BRI3: variants seen among roughly 807,000 people sequenced by gnomAD.
The protein encoded by BRI3 is membrane protein BRI3.
BRI3 carries 6 observed loss-of-function variants against 12.8 expected under a neutral mutation model. That is an observed-to-expected ratio of 0.47 (90% confidence interval 0.26 to 0.93). The LOEUF is 0.93. Ranked by LOEUF, BRI3 falls within the 40% of genes least tolerant of loss-of-function variation. BRI3 has a pLI of 0.15. For synonymous variants in BRI3, 91 were observed against 76.1 expected (o/e 1.20, Z -1.02); for missense variants, 134 against 171.1 (o/e 0.78, Z 1.21).
chr7:98,298,935 G>A (rs1800302005), intron 1 of BRI3, among the ~76,000 whole-genome samples: 1 of 152,010 alleles, frequency 6.6e-6, no homozygotes, highest in South Asian at 2.1e-4. Flanking sequence ...TCGACCTCCT[G>A]GGCTCAATCG....
the BRI3 span, chr7:98,323,158 T>G: frequency 2.0e-5 from 3 of 152,212 alleles, no homozygotes; most frequent in Non-Finnish European, 4.4e-5. Flanking sequence ...GAACGGGGCA[T>G]GAGAAAACCG....
chr7:98,296,113 C>A (rs1047439077), downstream of BRI3, among the ~76,000 whole-genome samples: 23 of 152,158 alleles, frequency 1.5e-4, no homozygotes, highest in African/African-American at 5.6e-4. Context: ...CAGGTCACCA[C>A]ACAGCACTGA....
chr7:98,315,032 T>C (rs904912808), downstream of BRI3, among the ~76,000 whole-genome samples: 1 of 152,218 alleles, frequency 6.6e-6, no homozygotes, highest in Admixed American at 6.5e-5. Flanking sequence ...CCAAACACAG[T>C]TTCTCTGGAA....
downstream of BRI3, chr7:98,292,314 C>G (rs1004256888): frequency 1.5e-5 from 5 of 338,460 alleles, no homozygotes; most frequent in Non-Finnish European, 2.2e-5. Context: ...CTCTGCCTCC[C>G]GGGTTCAAGT....
chr7:98,311,534 G>T (rs905312439), downstream of BRI3, among the ~76,000 whole-genome samples: 2 of 151,486 alleles, frequency 1.3e-5, no homozygotes, highest in Admixed American at 1.3e-4. Flanking sequence ...GAGCAAGACT[G>T]TGTCTCAAAA....
At chr7:98,312,376 G>T, downstream of BRI3, 1 of 1,215,172 alleles carries the variant, frequency 8.2e-7, no homozygotes, top group Non-Finnish European at 1.1e-6. Context: ...CACCAGGAGT[G>T]TGGGGGCCCT....
downstream of BRI3, among the ~76,000 whole-genome samples, chr7:98,310,830 C>T (rs150876369): frequency 2.6e-5 from 4 of 152,202 alleles, no homozygotes; most frequent in African/African-American, 7.2e-5. Context: ...GGATAACAGG[C>T]ACGCACTACC....
intron 1 of BRI3, chr7:98,306,720 T>G (rs1054377059): frequency 1.5e-5 from 11 of 741,090 alleles, no homozygotes; most frequent in Admixed American, 6.1e-5. Context: ...CAATTTTTTT[T>G]TAATAGAGAC....
chr7:98,285,499 G>A (rs1799680825), intron 2 of BRI3, among the ~76,000 whole-genome samples: 1 of 152,214 alleles, frequency 6.6e-6, no homozygotes, highest in Non-Finnish European at 1.5e-5. Context: ...GACAGTCTTG[G>A]CCTGAGGTGT....
rs141494671 is a variant in BRI3, at chr7:98,307,796, C to T, written n.426C>T. On this transcript the variant is annotated non_coding_transcript_exon_variant, in exon 2 of 2. Coordinates refer to the BRI3 transcript ENST00000485422. ...AGCTGAGTAAGGTCTTGTTGGAGCCCGCAGTGTGCGGGAAGATGGTCTTCA... is the reference window on the plus strand; with the variant it reads ...AGCTGAGTAAGGTCTTGTTGGAGCCTGCAGTGTGCGGGAAGATGGTCTTCA... 1.6e-5 allele frequency: 26 copies of T among 1,614,230 alleles called. No homozygotes were observed. The East Asian group carries it at 3.1e-4, about 19-fold the overall frequency.
upstream of BRI3, chr7:98,304,109 G>A: frequency 7.2e-7 from 1 of 1,385,956 alleles, no homozygotes; most frequent in South Asian, 1.5e-5. Context: ...GGACAGAGCA[G>A]AGCAAGGCGG....
chr7:98,320,121 T>A, the BRI3 span: 1 of 1,611,908 alleles, frequency 6.2e-7, no homozygotes. Flanking sequence ...CTTTGTGGAA[T>A]TTTTTAAACT....
At chr7:98,301,266 G>A (rs1800407406) in intron 1 of BRI3, among the ~76,000 whole-genome samples, 1 of 152,172 alleles carries the variant, frequency 6.6e-6, no homozygotes, top group Non-Finnish European at 1.5e-5. Flanking sequence ...TGTGCTGGAT[G>A]GGCCTTCTCA....
At chr7:98,315,329 T>G, downstream of BRI3, 1 of 799,824 alleles carries the variant, frequency 1.3e-6, no homozygotes, top group Non-Finnish European at 1.7e-6. Flanking sequence ...AGTTTTGCCA[T>G]GTTGCCCAGG....
intron 1 of BRI3, 151 bp downstream of exon 1, chr7:98,282,088 G>A (rs1249943683): frequency 1.7e-6 from 2 of 1,153,442 alleles, no homozygotes; most frequent in East Asian, 6.1e-5. Context: ...CGCCGCCGAG[G>A]GCCAGCCTCC....
the BRI3 span, chr7:98,319,981 A>G: frequency 8.5e-7 from 1 of 1,176,724 alleles, no homozygotes. Context: ...TGATGAGTCA[A>G]CAGTGGGAAC....
intron 2 of BRI3, among the ~76,000 whole-genome samples, chr7:98,289,875 G>C (rs369256800): frequency 6.6e-6 from 1 of 152,222 alleles, no homozygotes; most frequent in Admixed American, 6.5e-5. Flanking sequence ...GATGATTTCA[G>C]GTCACTGAAC....
chr7:98,307,602 A>G, exon 2 of BRI3: 1 of 1,561,490 alleles, frequency 6.4e-7, no homozygotes, highest in Admixed American at 1.9e-5. Flanking sequence ...AAATGTGAGC[A>G]TGTCCACGAA....
chr7:98,317,464 C>T, the BRI3 span: 1 of 1,387,240 alleles, frequency 7.2e-7, no homozygotes, highest in Admixed American at 1.8e-5. Flanking sequence ...GGCCCTGACA[C>T]CCTCACTTCA....
Sources: gnomAD v4.1 joint callset for allele counts (sites outside exome capture counted in the v4.1 genomes callset) on GRCh38, gnomAD v4.1.1 for gene constraint, MANE v1.5 for transcripts, NCBI Gene and HGNC (gene_info 2026-07-23, HGNC 2026-07-21) for gene names.